Variants in ADGRA3 observed in about 807,000 individuals in gnomAD.
ADGRA3 encodes the protein adhesion G protein-coupled receptor A3, also known as G-protein coupled receptor 125.
A neutral mutation model predicts 119.8 loss-of-function variants in ADGRA3; 56 were observed. That is an observed-to-expected ratio of 0.47 (90% CI 0.38 to 0.58). The LOEUF (loss-of-function observed/expected upper bound fraction) is 0.58. ADGRA3 is among the 20% of genes least tolerant of loss of function. The pLI, the probability that ADGRA3 is intolerant of heterozygous loss-of-function variation, is 0.00. For missense variants in ADGRA3, 1,516 were observed against 1,649.0 expected (o/e 0.92, Z 1.40); for synonymous variants, 607 against 623.8 (o/e 0.97, Z 0.40).
chr4:22,457,397 A>C (rs551603008), intron 3 of ADGRA3, among the ~76,000 whole-genome samples: 2 of 152,344 alleles, frequency 1.3e-5, no homozygotes, highest in African/African-American at 4.8e-5. Context: ...TGTATCTATG[A>C]GCAACTAGCA....
intron 2 of ADGRA3, among the ~76,000 whole-genome samples, chr4:22,471,625 T>C (rs1240876903): frequency 6.6e-6 from 1 of 152,070 alleles, no homozygotes; most frequent in Admixed American, 6.6e-5. Flanking sequence ...TGTGTGTACT[T>C]TGGATGTGCT....
At position 22,514,221 on chromosome 4, in the gene ADGRA3, G is replaced by C. The variant is rs150354258; in HGVS notation, c.257+1307C>G. 4.0e-4 allele frequency among the ~76,000 whole-genome samples: 60 copies of C among 150,776 alleles called. 1 individual carries two copies. Among genetic ancestry groups the C allele is most frequent in the African/African-American group, 1.5e-3 (60 of 40,136 alleles). Reference sequence around the variant, plus strand: ...TTTCTCCATTTGGACTGTAATTAAAGTCCCATACCGAAAATTTCCACTTCA... The same window carrying C: ...TTTCTCCATTTGGACTGTAATTAAACTCCCATACCGAAAATTTCCACTTCA... On this transcript the variant is annotated intron_variant, in intron 1 of 18. Transcript: ENST00000334304.
intron 1 of ADGRA3, among the ~76,000 whole-genome samples, chr4:22,484,798 C>G (rs1718376939): frequency 6.6e-6 from 1 of 152,010 alleles, no homozygotes; most frequent in Non-Finnish European, 1.5e-5. Flanking sequence ...CTCTGGCTCC[C>G]TCGCTGAAAA....
At chr4:22,416,694 G>A (rs1715443197) in intron 12 of ADGRA3, among the ~76,000 whole-genome samples, 1 of 152,040 alleles carries the variant, frequency 6.6e-6, no homozygotes, top group Admixed American at 6.6e-5. Flanking sequence ...AATCTAGAAC[G>A]TCATCATGTT....
chr4:22,403,716 T>TG (rs1415450028), intron 14 of ADGRA3, among the ~76,000 whole-genome samples: 1 of 152,078 alleles, frequency 6.6e-6, no homozygotes, highest in African/African-American at 2.4e-5. Context: ...CACTCCAGCC[T>TG]GGGCCACATA....
chr4:22,415,435 GC>G (rs1296719666), intron 12 of ADGRA3, among the ~76,000 whole-genome samples: 4 of 152,024 alleles, frequency 2.6e-5, no homozygotes, highest in African/African-American at 7.2e-5. Context: ...AAAGGTTCCT[GC>G]TATTCTCACT....
intron 12 of ADGRA3, among the ~76,000 whole-genome samples, chr4:22,414,824 C>A (rs1715365531): frequency 6.6e-6 from 1 of 152,192 alleles, no homozygotes; most frequent in South Asian, 2.1e-4. Context: ...ACCATGCTCA[C>A]TGCACAGACC....
chr4:22,411,381 T>G (rs1296046639), intron 14 of ADGRA3, among the ~76,000 whole-genome samples: 1 of 152,106 alleles, frequency 6.6e-6, no homozygotes, highest in Non-Finnish European at 1.5e-5. Context: ...GGCAGATCAC[T>G]TGAGTCCAGG....
At chr4:22,448,233 T>C (rs4697301) in intron 4 of ADGRA3, among the ~76,000 whole-genome samples, 6,883 of 152,248 alleles carry the variant, frequency 0.045, 227 homozygotes, top group East Asian at 0.19. Flanking sequence ...GGACGGCCTG[T>C]GTGTGTACGC....
Position 22,424,347 on chromosome 4 carries a change from A to T in ADGRA3, c.1449T>A (p.Gly483=), listed in dbSNP as rs746229896. The T allele has an allele frequency of 6.2e-7, 1 of 1,612,920 alleles. No homozygotes were observed. Among genetic ancestry groups the T allele is most frequent in the Admixed American group, 1.7e-5 (1 of 59,888 alleles). The part of the protein sequence containing the change: ...FTKEEKSKEL[G]DVMVDIASNI... ...TACTTGCAATGTCAACCATCACGTC[A>T]CCTAGCTAGCAGGGGTTCAGGAGAA... The change falls in exon 11 of 19, where the codon GGT becomes GGA. Residue 483 remains glycine (G), a synonymous_variant. Transcript: ENST00000334304.
chr4:22,440,551 C>CA (rs1167158650), intron 7 of ADGRA3, among the ~76,000 whole-genome samples: 3 of 151,668 alleles, frequency 2.0e-5, no homozygotes, highest in South Asian at 2.1e-4. Flanking sequence ...ATGTCCCTAC[C>CA]AAAAAAAATG....
intron 16 of ADGRA3, chr4:22,393,446 T>A (rs532647130): frequency 5.3e-5 from 8 of 152,362 alleles, no homozygotes; most frequent in African/African-American, 1.7e-4. Context: ...TGAGATATGA[T>A]TCAGAGCTTT....
chr4:22,413,812 A>G lies in ADGRA3; in HGVS notation c.1812T>C (p.Asn604=). The change falls in exon 13 of 19, where the codon AAT becomes AAC. Residue 604 remains asparagine (N), a splice_region_variant and synonymous_variant. Transcript: ENST00000334304. ...SNTFSSLALK[N]TIVEASIQLP... ...GCTGAATAGAAGCCTCCACAATAGT[A>G]TTCTGAAAAAATATATATACATAAA... 1 of 1,597,684 alleles carries G rather than the reference A, an allele frequency of 6.3e-7. No individual in the cohort carries two copies. The highest frequency in any genetic ancestry group is 8.5e-7 in the Non-Finnish European group (1 of 1,173,240).
chr4:22,413,677 G>T lies in ADGRA3; in HGVS notation c.1947C>A (p.Ala649=), dbSNP rs531710377. ...CAGCCAAATTTGTTGAATTTCCAGT[G>T]GCTGGAAAAAGCTTTCCATTGCGGA... ...IAFRNGKLFP[A]TGNSTNLADD... is the part of the protein sequence containing the mutation. The change falls in exon 13 of 19, where the codon GCC becomes GCA. Residue 649 remains alanine, a synonymous_variant. Coordinates refer to ENST00000334304, the MANE Select transcript of ADGRA3 (RefSeq NM_145290.4). 6.2e-7 allele frequency: 1 copy of T among 1,613,932 alleles called. No homozygotes were observed. The highest frequency in any genetic ancestry group is 1.3e-5 in the African/African-American group (1 of 75,024).
chr4:22,473,892 A>G, intron 1 of ADGRA3, 49 bp from the exon 2 acceptor site: 1 of 1,085,792 alleles, frequency 9.2e-7, no homozygotes, highest in South Asian at 1.4e-5. Context: ...CACTACCAAT[A>G]TCAAAGTAAT....
At chr4:22,453,821 A>G (rs149309960) in intron 4 of ADGRA3, among the ~76,000 whole-genome samples, 2,035 of 152,100 alleles carry the variant, frequency 0.013, 15 homozygotes, top group Non-Finnish European at 0.021. Context: ...CCTTATGTCT[A>G]ATTACTCCCA....
intron 10 of ADGRA3, among the ~76,000 whole-genome samples, chr4:22,425,728 G>T (rs138677205): frequency 1.4e-3 from 210 of 152,288 alleles, no homozygotes; most frequent in African/African-American, 4.8e-3. Context: ...ATCCCGTTTT[G>T]TATCCAATAC....
chr4:22,495,935 T>C (rs1019386676), intron 1 of ADGRA3, among the ~76,000 whole-genome samples: 3 of 151,682 alleles, frequency 2.0e-5, no homozygotes, highest in Admixed American at 6.6e-5. Flanking sequence ...TCAGAGTTAA[T>C]ACATGAAAAA....
At chr4:22,408,377 T>C (rs918449645) in intron 14 of ADGRA3, among the ~76,000 whole-genome samples, 3 of 152,002 alleles carry the variant, frequency 2.0e-5, no homozygotes, top group African/African-American at 7.2e-5. Context: ...TGGGAGAAGA[T>C]GTATGCAACA....
Sources: gnomAD v4.1 joint callset for allele counts (sites outside exome capture counted in the v4.1 genomes callset) on GRCh38, gnomAD v4.1.1 for gene constraint, MANE v1.5 for transcripts, NCBI Gene and HGNC (gene_info 2026-07-23, HGNC 2026-07-21) for gene names.